The following ANXA10 variants were observed in gnomAD, a reference collection of about 807,000 sequenced individuals.
ANXA10 encodes the protein annexin 14.
In ANXA10, 49 loss-of-function variants were observed where a neutral mutation model predicts 53.5. The observed-to-expected ratio is 0.92, with a 90% CI of 0.73 to 1.16. ANXA10 has a LOEUF of 1.16. ANXA10 is among the 50% of genes most tolerant of loss of function. The pLI is 0.00. For synonymous variants in ANXA10, 131 were observed against 128.9 expected (o/e 1.02, Z -0.11); for missense variants, 393 against 394.4 (o/e 1.00, Z 0.03).
chr4:168,164,176 A>G (rs1278440062), intron 4 of ANXA10, 22 bp from the exon 5 acceptor site: 6 of 1,514,774 alleles, frequency 4.0e-6, no homozygotes, highest in African/African-American at 2.8e-5. Flanking sequence ...CCTTACATTT[A>G]TCTCTTTTTT....
intron 3 of ANXA10, among the ~76,000 whole-genome samples, chr4:168,149,553 C>T (rs1359729332): frequency 6.6e-6 from 1 of 152,072 alleles, no homozygotes; most frequent in African/African-American, 2.4e-5. Context: ...ACTATATCAC[C>T]TAGGAGATGG....
At chr4:168,169,229 T>C (rs1034042128) in intron 6 of ANXA10, among the ~76,000 whole-genome samples, 8 of 152,214 alleles carry the variant, frequency 5.3e-5, no homozygotes, top group African/African-American at 1.2e-4. Flanking sequence ...TTTTATAAGA[T>C]TAATTTTAAT....
In ANXA10 at chr4:168,092,617, T is replaced by C; in HGVS notation, c.-84T>C. On this transcript the variant is annotated 5_prime_UTR_variant, in exon 1 of 12. Coordinates refer to ENST00000359299, the MANE Select transcript of ANXA10 (RefSeq NM_007193.5). ...TTTACATTTGATTTAACAGTGAACC[T>C]TAATTCTTTCTGGCTTCACAGTGAA... 1 of 1,349,304 alleles carries C rather than the reference T, an allele frequency of 7.4e-7. No homozygotes were observed. Among genetic ancestry groups the C allele is most frequent in the Admixed American group, 1.9e-5 (1 of 51,492 alleles). 83.6% of individuals were successfully genotyped at this position (1,349,304 alleles called of 1,614,324 possible). A position where few individuals can be genotyped will look rare whatever the true frequency, so the allele number is the denominator to read the frequency against.
Position 168,127,990 on chromosome 4 carries a change from C to G in ANXA10, c.19-94C>G. The G allele has an allele frequency of 2.6e-6, 3 of 1,141,864 alleles. No homozygotes were observed. The South Asian group carries it at 4.0e-5, about 15-fold the overall frequency. The allele number at this position is 1,141,864 out of a possible 1,614,324, so 70.7% of individuals were successfully genotyped here. A position where few individuals can be genotyped will look rare whatever the true frequency, so the allele number is the denominator to read the frequency against. On this transcript the variant is annotated intron_variant, in intron 1 of 11. Coordinates refer to ENST00000359299, the MANE Select transcript of ANXA10 (RefSeq NM_007193.5). Reference sequence around the variant, plus strand: ...CCACCCACCTCTGCCTCCCAAAGTGCAGAGATTACAGGTATGAGCCACTGT... The same window carrying G: ...CCACCCACCTCTGCCTCCCAAAGTGGAGAGATTACAGGTATGAGCCACTGT...
chr4:168,145,867 A>G (rs1731397761), intron 3 of ANXA10, among the ~76,000 whole-genome samples: 3 of 152,104 alleles, frequency 2.0e-5, no homozygotes, highest in Non-Finnish European at 4.4e-5. Flanking sequence ...GCAATACCAG[A>G]AGCCTAGGGA....
intron 1 of ANXA10, among the ~76,000 whole-genome samples, chr4:168,120,499 A>T (rs1730967002): frequency 6.6e-6 from 1 of 152,088 alleles, no homozygotes; most frequent in South Asian, 2.1e-4. Flanking sequence ...TAACTTTATT[A>T]ATATATTTCT....
At chr4:168,101,264 C>T (rs1730634364) in intron 1 of ANXA10, among the ~76,000 whole-genome samples, 2 of 151,928 alleles carry the variant, frequency 1.3e-5, no homozygotes, top group Non-Finnish European at 2.9e-5. Context: ...TTGTAAGTTT[C>T]CTGAGGCCTC....
chr4:168,093,692 A>T (rs1443048036), intron 1 of ANXA10, among the ~76,000 whole-genome samples: 2 of 152,100 alleles, frequency 1.3e-5, no homozygotes, highest in Non-Finnish European at 2.9e-5. Flanking sequence ...ACAAAAAACA[A>T]CTTTCTGGGA....
chr4:168,145,915 T>C (rs1179580665), intron 3 of ANXA10, among the ~76,000 whole-genome samples: 2 of 111,616 alleles, frequency 1.8e-5, no homozygotes, highest in Non-Finnish European at 3.6e-5. Flanking sequence ...CTTAGTCTAT[T>C]GTTGAGTGGC....
intron 1 of ANXA10, among the ~76,000 whole-genome samples, chr4:168,104,815 C>CT (rs1356461744): frequency 1.3e-5 from 2 of 151,370 alleles, no homozygotes; most frequent in Non-Finnish European, 3.0e-5. Flanking sequence ...TTATTTTTCT[C>CT]TTTTTAATTT....
chr4:168,101,500 G>T (rs541695676), intron 1 of ANXA10, among the ~76,000 whole-genome samples: 37 of 134,850 alleles, frequency 2.7e-4, no homozygotes, highest in Admixed American at 1.3e-3. Context: ...TGTTTTTTTT[G>T]GGGGGGAAGG....
intron 2 of ANXA10, among the ~76,000 whole-genome samples, chr4:168,138,391 T>C (rs1016416301): frequency 6.6e-6 from 1 of 150,878 alleles, no homozygotes; most frequent in Non-Finnish European, 1.5e-5. Context: ...GTATGTCTTC[T>C]TTTGGAAAAA....
At chr4:168,130,435 T>C (rs1382746018) in intron 2 of ANXA10, among the ~76,000 whole-genome samples, 1 of 152,132 alleles carries the variant, frequency 6.6e-6, no homozygotes, top group Non-Finnish European at 1.5e-5. Context: ...AATTTTCTTT[T>C]CTTGTTGTGC....
rs556820202 is a variant in ANXA10 at position 168,158,204 on chromosome 4, C to T, written c.196-4324C>T. On this transcript the variant is annotated intron_variant, in intron 3 of 11. Transcript: ENST00000359299. ...ATGACCAATGTTTTAAGCATGAAAA[C>T]ATTTAAACATTCCACAGGCTTATTC... Among the ~76,000 whole-genome samples, 3 of 152,278 alleles carry T rather than the reference C, an allele frequency of 2.0e-5. No individual in the cohort carries two copies. In the Middle Eastern group the frequency reaches 0.01, roughly 518 times the overall value.
intron 1 of ANXA10, among the ~76,000 whole-genome samples, chr4:168,096,623 T>G (rs12646377): frequency 0.15 from 23,104 of 151,918 alleles, 2,063 homozygotes; most frequent in Non-Finnish European, 0.21. Flanking sequence ...AGGATCCATG[T>G]GACTGAGCAC....
At chr4:168,184,126 G>C (rs952282028) in intron 10 of ANXA10, among the ~76,000 whole-genome samples, 8 of 152,160 alleles carry the variant, frequency 5.3e-5, no homozygotes, top group African/African-American at 1.9e-4. Context: ...ATGTCCATCT[G>C]ACAGAGCTGA....
chr4:168,095,897 C>T (rs893842991), intron 1 of ANXA10, among the ~76,000 whole-genome samples: 5 of 152,060 alleles, frequency 3.3e-5, no homozygotes, highest in South Asian at 2.1e-4. Context: ...AACTTAGCAG[C>T]GGTATCTTTA....
chr4:168,162,403 G>C, intron 3 of ANXA10, 125 bp from the exon 4 acceptor site: 2 of 705,566 alleles, frequency 2.8e-6, no homozygotes, highest in Non-Finnish European at 4.9e-6. Flanking sequence ...ATGTGAATCA[G>C]ACTTGTTATG....
chr4:168,137,477 T>C (rs967576711), intron 2 of ANXA10, among the ~76,000 whole-genome samples: 32 of 152,170 alleles, frequency 2.1e-4, no homozygotes, highest in Non-Finnish European at 3.8e-4. Context: ...TCCTACTCAA[T>C]ATGTCCATGT....
Sources: gnomAD v4.1 joint callset for allele counts (sites outside exome capture counted in the v4.1 genomes callset) on GRCh38, gnomAD v4.1.1 for gene constraint, MANE v1.5 for transcripts, NCBI Gene and HGNC (gene_info 2026-07-23, HGNC 2026-07-21) for gene names.